The following SMYD3 variants were observed in gnomAD, a reference collection of about 807,000 sequenced individuals.
The protein encoded by SMYD3 is histone-lysine N-methyltransferase SMYD3.
SMYD3 carries 36 observed loss-of-function variants against 57.7 expected under a neutral mutation model. The ratio of observed to expected loss-of-function variants is 0.62; its 90% CI spans 0.48 to 0.82. The LOEUF (loss-of-function observed/expected upper bound fraction) is 0.82, where lower values mean the gene tolerates loss of function less well. Among genes scored for constraint, SMYD3 ranks in the 40% least tolerant of loss-of-function variants. The pLI, the probability that SMYD3 is intolerant of heterozygous loss-of-function variation, is 0.00. For missense variants in SMYD3, 515 were observed against 538.8 expected, an observed-to-expected ratio of 0.96 and a Z score of 0.44; for synonymous variants, 211 against 195.0, an observed-to-expected ratio of 1.08 and a Z score of -0.68.
intron 5 of SMYD3, among the ~76,000 whole-genome samples, chr1:246,271,343 T>C (rs2064218452): frequency 6.6e-6 from 1 of 152,306 alleles, no homozygotes; most frequent in African/African-American, 2.4e-5. Context: ...AGCTGCCTGT[T>C]CCTTTGGTGT....
At chr1:245,777,619 A>G (rs1043826125) in intron 10 of SMYD3, among the ~76,000 whole-genome samples, 1 of 152,196 alleles carries the variant, frequency 6.6e-6, no homozygotes, top group Non-Finnish European at 1.5e-5. Context: ...AGGAGATTTG[A>G]GGACCTTAAA....
chr1:246,298,696 CT>C (rs995483387), intron 5 of SMYD3, among the ~76,000 whole-genome samples: 20 of 152,138 alleles, frequency 1.3e-4, no homozygotes, highest in African/African-American at 4.8e-4. Flanking sequence ...GCAACACTCC[CT>C]GTATATTATA....
At chr1:245,894,732 G>A (rs954821154) in intron 8 of SMYD3, among the ~76,000 whole-genome samples, 1 of 152,146 alleles carries the variant, frequency 6.6e-6, no homozygotes, top group African/African-American at 2.4e-5. Context: ...GTTGGGCTGG[G>A]GATGGTACTT....
At chr1:246,049,590 C>T (rs2060032644) in intron 5 of SMYD3, among the ~76,000 whole-genome samples, 1 of 152,034 alleles carries the variant, frequency 6.6e-6, no homozygotes, top group South Asian at 2.1e-4. Context: ...CAGGCGTGAG[C>T]CACCGCGTCC....
chr1:246,296,057 A>G (rs1005154847), intron 5 of SMYD3, among the ~76,000 whole-genome samples: 11 of 152,208 alleles, frequency 7.2e-5, no homozygotes, highest in Non-Finnish European at 1.5e-5. Context: ...GCTTTCATCT[A>G]GAAAATGTTA....
chr1:246,041,476 A>ATTAGCTTGTC (rs1411059904), intron 5 of SMYD3, among the ~76,000 whole-genome samples: 1 of 152,230 alleles, frequency 6.6e-6, no homozygotes, highest in African/African-American at 2.4e-5. Context: ...TAAGTTTCTT[A>ATTAGCTTGTC]TTAGCTTGTC....
chr1:246,370,131 A>G (rs1245436381), intron 1 of SMYD3, among the ~76,000 whole-genome samples: 1 of 152,160 alleles, frequency 6.6e-6, no homozygotes, highest in East Asian at 1.9e-4. Flanking sequence ...AGCCTGTGCC[A>G]TCTGATAAAC....
chr1:245,868,857 C>T (rs956664206), intron 8 of SMYD3, among the ~76,000 whole-genome samples: 2 of 152,204 alleles, frequency 1.3e-5, no homozygotes, highest in African/African-American at 4.8e-5. Context: ...CCTCTCTCCA[C>T]ACCAGGCTGG....
At chr1:246,093,665 T>C (rs897404416) in intron 5 of SMYD3, among the ~76,000 whole-genome samples, 11 of 151,932 alleles carry the variant, frequency 7.2e-5, no homozygotes, top group Non-Finnish European at 7.3e-5. Flanking sequence ...AATTATTACG[T>C]ACAATTATTA....
At chr1:246,124,449 A>C (rs1351279450) in intron 5 of SMYD3, among the ~76,000 whole-genome samples, 1 of 152,224 alleles carries the variant, frequency 6.6e-6, no homozygotes, top group Non-Finnish European at 1.5e-5. Flanking sequence ...AAGTCTTTGA[A>C]GGTAATTAAA....
intron 1 of SMYD3, among the ~76,000 whole-genome samples, chr1:246,361,218 G>A (rs1056583041): frequency 6.6e-6 from 1 of 152,188 alleles, no homozygotes; most frequent in Non-Finnish European, 1.5e-5. Flanking sequence ...CTAATTATCA[G>A]GGAAATGCAA....
chr1:246,445,064 G>T (rs978371215), intron 1 of SMYD3, among the ~76,000 whole-genome samples: 21 of 152,184 alleles, frequency 1.4e-4, no homozygotes, highest in African/African-American at 5.1e-4. Context: ...TGGCAGTGAT[G>T]ATGTTTTAAG....
chr1:246,054,198 G>C (rs1296021715), intron 5 of SMYD3, among the ~76,000 whole-genome samples: 2 of 151,988 alleles, frequency 1.3e-5, no homozygotes, highest in Admixed American at 6.6e-5. Flanking sequence ...ATTAGAAATG[G>C]GAATTAAAAC....
intron 1 of SMYD3, among the ~76,000 whole-genome samples, chr1:246,360,772 A>ATC (rs2065975153): frequency 4.6e-5 from 7 of 152,136 alleles, no homozygotes; most frequent in Non-Finnish European, 7.4e-5. Context: ...CTGGATCCTC[A>ATC]TCTCTCACCT....
In SMYD3 at chr1:245,972,225, A is replaced by G. The variant is rs191481608; in HGVS notation, c.532-42288T>C. Among the ~76,000 whole-genome samples, 7 of 152,336 alleles carry G rather than the reference A, an allele frequency of 4.6e-5. No homozygotes were observed. The East Asian group carries it at 1.3e-3, about 29-fold the overall frequency. ...TGCACTCTATTTTCATTCGGATACC[A>G]AGTCCTGAGACACCTTAGCTGGCTA... On this transcript the variant is annotated intron_variant, in intron 5 of 11. Transcript: ENST00000490107.
chr1:246,224,768 A>G (rs1185848119), intron 5 of SMYD3, among the ~76,000 whole-genome samples: 1 of 152,112 alleles, frequency 6.6e-6, no homozygotes, highest in Non-Finnish European at 1.5e-5. Context: ...TGTTAATAGG[A>G]CTTGCTAATG....
chr1:245,943,839 G>A lies in SMYD3; in HGVS notation c.532-13902C>T, dbSNP rs556667069. ...AAAGCTGGTTCAATATTTGCAAATC[G>A]GTAAATAAATGTAATTCATCACATA... On this transcript the variant is annotated intron_variant, in intron 5 of 11. Coordinates refer to ENST00000490107, the MANE Select transcript of SMYD3 (RefSeq NM_001167740.2). 9.2e-5 allele frequency among the ~76,000 whole-genome samples: 14 copies of A among 151,974 alleles called. No homozygotes were observed. The South Asian group carries it at 2.1e-3, about 23-fold the overall frequency.
intron 5 of SMYD3, among the ~76,000 whole-genome samples, chr1:246,144,591 A>G (rs190426536): frequency 6.6e-6 from 1 of 152,298 alleles, no homozygotes. Flanking sequence ...ACTTGCTTTT[A>G]TCTTTTTATT....
intron 1 of SMYD3, among the ~76,000 whole-genome samples, chr1:246,472,978 TC>T (rs910467162): frequency 5.4e-5 from 8 of 148,186 alleles, no homozygotes; most frequent in African/African-American, 1.7e-4. Flanking sequence ...CTGCTCAGCC[TC>T]CCAAGTAGCT....
Sources: allele counts gnomAD v4.1 joint callset (sites outside exome capture counted in the v4.1 genomes callset), GRCh38; gene constraint gnomAD v4.1.1; transcripts MANE v1.5; gene names NCBI Gene and HGNC (gene_info 2026-07-23, HGNC 2026-07-21).